The following ZMYND11 variants were observed in gnomAD, a reference collection of about 807,000 sequenced individuals.
The protein encoded by ZMYND11 is zinc finger MYND-type containing 11.
Under a neutral mutation model 84.9 loss-of-function variants are expected in ZMYND11, and 9 were observed. The ratio of observed to expected loss-of-function variants is 0.11; its 90% CI spans 0.06 to 0.18. ZMYND11 has a LOEUF of 0.18. Among genes scored for constraint, ZMYND11 ranks in the 10% least tolerant of loss-of-function variants. The pLI is 1.00. For synonymous variants in ZMYND11, 250 were observed against 244.1 expected, an observed-to-expected ratio of 1.02 and a Z score of -0.23; for missense variants, 409 against 761.0, an observed-to-expected ratio of 0.54 and a Z score of 5.44.
intron 2 of ZMYND11, among the ~76,000 whole-genome samples, chr10:181,759 A>G (rs1251888023): frequency 2.0e-5 from 3 of 151,796 alleles, no homozygotes; most frequent in African/African-American, 7.3e-5. Flanking sequence ...TTGCTCCTAT[A>G]AGATAGTAGA....
At chr10:220,897 G>A (rs1451768256) in intron 3 of ZMYND11, among the ~76,000 whole-genome samples, 1 of 152,182 alleles carries the variant, frequency 6.6e-6, no homozygotes, top group Non-Finnish European at 1.5e-5. Flanking sequence ...TCCTTAGATT[G>A]TATTTCAAAA....
intron 11 of ZMYND11, among the ~76,000 whole-genome samples, chr10:247,184 G>C (rs1952330321): frequency 6.6e-6 from 1 of 152,222 alleles, no homozygotes; most frequent in Non-Finnish European, 1.5e-5. Context: ...TACCAAGAGA[G>C]TTAAGTACAA....
In ZMYND11 at chr10:203,707, C is replaced by G. The variant is rs548522862; in HGVS notation, c.117-6182C>G. Among the ~76,000 whole-genome samples, 39 of 152,176 alleles carry G rather than the reference C, an allele frequency of 2.6e-4. 1 individual carries two copies. Among genetic ancestry groups the G allele is most frequent in the South Asian group, 1.9e-3 (9 of 4,812 alleles). On this transcript the variant is annotated intron_variant, in intron 2 of 14. Coordinates refer to ENST00000381604, the MANE Select transcript of ZMYND11 (RefSeq NM_001370100.5). Reference sequence around the variant, plus strand: ...TAGCTACTTTTTTAAAAGTAAAAATCGTCTAGCTAATAGATACAAATGAAA... The same window carrying G: ...TAGCTACTTTTTTAAAAGTAAAAATGGTCTAGCTAATAGATACAAATGAAA...
chr10:151,811 A>G (rs967958345), intron 1 of ZMYND11, among the ~76,000 whole-genome samples: 25 of 152,286 alleles, frequency 1.6e-4, no homozygotes, highest in African/African-American at 5.3e-4. Context: ...AGGGCAGCCA[A>G]TGAGAAAGGT....
chr10:235,505 C>T (rs1031441802), intron 4 of ZMYND11, among the ~76,000 whole-genome samples: 7 of 152,128 alleles, frequency 4.6e-5, no homozygotes, highest in African/African-American at 1.4e-4. Context: ...CTGTCTTGGC[C>T]ATGCGTCAGT....
intron 1 of ZMYND11, chr10:154,947 A>G (rs1444106096): frequency 6.6e-6 from 1 of 152,148 alleles, no homozygotes; most frequent in African/African-American, 2.4e-5. Flanking sequence ...CGTATTTTAT[A>G]TTCTATTAAT....
At chr10:249,467 C>T (rs944780262) in intron 14 of ZMYND11, 91 of 984,664 alleles carry the variant, frequency 9.2e-5, no homozygotes, top group Non-Finnish European at 1.0e-4. Flanking sequence ...ATGTAATTAT[C>T]ACAATAAATA....
chr10:139,570 T>A (rs1402481233), intron 1 of ZMYND11, among the ~76,000 whole-genome samples: 2 of 152,184 alleles, frequency 1.3e-5, no homozygotes, highest in Non-Finnish European at 2.9e-5. Context: ...TTTTGAAATG[T>A]TTAGTAGCTA....
intron 2 of ZMYND11, among the ~76,000 whole-genome samples, chr10:185,599 A>C (rs1488795325): frequency 6.6e-6 from 1 of 150,976 alleles, no homozygotes; most frequent in African/African-American, 2.4e-5. Context: ...GGATTGCCTG[A>C]GGTCAGGGGT....
intron 1 of ZMYND11, among the ~76,000 whole-genome samples, chr10:146,620 G>A (rs561265478): frequency 2.6e-5 from 4 of 152,186 alleles, no homozygotes; most frequent in East Asian, 1.9e-4. Context: ...TTGTTGTTGT[G>A]TTGTTTTGTT....
intron 1 of ZMYND11, among the ~76,000 whole-genome samples, chr10:139,704 C>CTTTTTTTTTTT (rs67915368): frequency 1.2e-5 from 1 of 80,238 alleles, no homozygotes; most frequent in Non-Finnish European, 2.2e-5. Context: ...ACACATGGTC[C>CTTTTTTTTTTT]TTTTTTTTTT....
chr10:241,005 C>T (rs1950799654), intron 9 of ZMYND11, 35 bp downstream of exon 9: 5 of 1,505,790 alleles, frequency 3.3e-6, no homozygotes, highest in Non-Finnish European at 4.6e-6. Flanking sequence ...GTGTAACATA[C>T]AGCTCTAAGG....
intron 1 of ZMYND11, among the ~76,000 whole-genome samples, chr10:171,087 A>G (rs1447291694): frequency 1.3e-5 from 2 of 152,194 alleles, no homozygotes; most frequent in African/African-American, 2.4e-5. Context: ...TGGGCAGTAC[A>G]TAATGATAAA....
intron 14 of ZMYND11, among the ~76,000 whole-genome samples, chr10:250,571 T>C (rs751262646): frequency 6.6e-6 from 1 of 152,200 alleles, no homozygotes; most frequent in Non-Finnish European, 1.5e-5. Context: ...GCTATAATTA[T>C]AATACTGTCT....
At chr10:140,994 C>T (rs547141423) in intron 1 of ZMYND11, among the ~76,000 whole-genome samples, 262 of 152,234 alleles carry the variant, frequency 1.7e-3, no homozygotes, top group Admixed American at 5.5e-3. Context: ...ATGGACTCTT[C>T]GATCTGTTTG....
chr10:240,188 A>G, intron 8 of ZMYND11, 77 bp downstream of exon 8: 3 of 1,248,836 alleles, frequency 2.4e-6, no homozygotes, highest in Non-Finnish European at 3.4e-6. Flanking sequence ...TCTTATCTAC[A>G]TTTTAGTTGT....
chr10:225,817 A>G (rs547594447), intron 4 of ZMYND11, among the ~76,000 whole-genome samples: 1 of 152,284 alleles, frequency 6.6e-6, no homozygotes, highest in South Asian at 2.1e-4. Context: ...TGATACTGTA[A>G]TTCATGGGCA....
chr10:206,565 T>A (rs1944210864), intron 2 of ZMYND11, among the ~76,000 whole-genome samples: 1 of 152,198 alleles, frequency 6.6e-6, no homozygotes, highest in Admixed American at 6.5e-5. Flanking sequence ...ATTTTTGCCT[T>A]GTTTTCCAAA....
intron 2 of ZMYND11, among the ~76,000 whole-genome samples, chr10:198,944 C>T (rs925372455): frequency 1.3e-5 from 2 of 152,262 alleles, no homozygotes; most frequent in African/African-American, 4.8e-5. Flanking sequence ...ACACCAAGCT[C>T]TTTCCAGGTT....
Sources: gnomAD v4.1 joint callset for allele counts (sites outside exome capture counted in the v4.1 genomes callset) on GRCh38, gnomAD v4.1.1 for gene constraint, MANE v1.5 for transcripts, NCBI Gene and HGNC (gene_info 2026-07-23, HGNC 2026-07-21) for gene names.